Variants in CCDC7 observed in about 807,000 individuals in gnomAD.
CCDC7 encodes coiled-coil domain-containing protein 7.
CCDC7 carries 183 observed loss-of-function variants against 196.9 expected under a neutral mutation model. The ratio of observed to expected loss-of-function variants is 0.93; its 90% CI spans 0.82 to 1.05. CCDC7 has a LOEUF of 1.05. Among genes scored for constraint, CCDC7 ranks in the 50% least tolerant of loss-of-function variants. CCDC7 has a pLI of 0.00. For missense variants in CCDC7, 1,540 were observed against 1,482.2 expected (o/e 1.04, Z -0.64); for synonymous variants, 525 against 484.6 (o/e 1.08, Z -1.10).
At chr10:32,564,712 TTAA>T (rs2056466248) in intron 13 of CCDC7, among the ~76,000 whole-genome samples, 1 of 151,554 alleles carries the variant, frequency 6.6e-6, no homozygotes, top group Admixed American at 6.6e-5. Context: ...TAATGACGAG[TTAA>T]TGGGTGCAGC....
chr10:32,730,203 A>G (rs2083724528), intron 28 of CCDC7, among the ~76,000 whole-genome samples: 1 of 151,964 alleles, frequency 6.6e-6, no homozygotes, highest in Non-Finnish European at 1.5e-5. Context: ...ACATGTCCAT[A>G]TGTTCTCATT....
chr10:32,650,974 G>A (rs2140148885), intron 20 of CCDC7, among the ~76,000 whole-genome samples: 1 of 152,306 alleles, frequency 6.6e-6, no homozygotes, highest in East Asian at 1.9e-4. Context: ...CAGTCCCACA[G>A]AGAAGCACAA....
rs544005675 is a variant in CCDC7 at position 32,635,707 on chromosome 10, C to T, written c.2014+549C>T. Among the ~76,000 whole-genome samples, 3 of 151,914 alleles carry T rather than the reference C, an allele frequency of 2.0e-5. No individual in the cohort carries two copies. The East Asian group carries it at 5.8e-4, about 29-fold the overall frequency. On this transcript the variant is annotated intron_variant, in intron 20 of 41. Coordinates refer to ENST00000639629, the Ensembl canonical transcript of CCDC7. ...TTAATGTAAATCTACCAACTTTCTT[C>T]TGATTGGTATTTGCATGATACATTT...
At chr10:32,545,115 C>T (rs3006745) in intron 13 of CCDC7, among the ~76,000 whole-genome samples, 21,007 of 152,124 alleles carry the variant, frequency 0.14, 1,754 homozygotes, top group East Asian at 0.25. Flanking sequence ...AAGCTAAAGA[C>T]TTAATTGTCT....
intron 37 of CCDC7, 49 bp from the exon 39 acceptor site, chr10:32,847,784 A>G (rs1390581765): frequency 3.5e-6 from 4 of 1,157,974 alleles, no homozygotes; most frequent in Non-Finnish European, 3.8e-6. Flanking sequence ...CATGTGTAAC[A>G]TAAATGGTTA....
chr10:32,878,781 G>A (rs1001257547), downstream of CCDC7, among the ~76,000 whole-genome samples: 1 of 152,064 alleles, frequency 6.6e-6, no homozygotes, highest in African/African-American at 2.4e-5. Context: ...ATGACAACAG[G>A]GAGTATTTCT....
At chr10:32,583,629 A>G (rs760704050) in intron 17 of CCDC7, among the ~76,000 whole-genome samples, 2 of 152,112 alleles carry the variant, frequency 1.3e-5, no homozygotes, top group Admixed American at 6.5e-5. Context: ...TCTACAAAAA[A>G]AATTTTTATA....
At chr10:32,762,174 A>G (rs998332089) in intron 28 of CCDC7, among the ~76,000 whole-genome samples, 6 of 151,976 alleles carry the variant, frequency 3.9e-5, no homozygotes, top group Non-Finnish European at 8.8e-5. Flanking sequence ...CGCAACATTT[A>G]CAGTTTCTGT....
chr10:32,447,880 G>C (rs1341681724), upstream of CCDC7, among the ~76,000 whole-genome samples: 2 of 152,106 alleles, frequency 1.3e-5, no homozygotes, highest in African/African-American at 4.8e-5. Flanking sequence ...CAGCCTGGGC[G>C]ACAAGAGCGA....
chr10:32,488,069 G>C (rs1589102741), intron 8 of CCDC7, among the ~76,000 whole-genome samples: 1 of 152,354 alleles, frequency 6.6e-6, no homozygotes, highest in African/African-American at 2.4e-5. Context: ...TTTGGCAATG[G>C]CCTGCCCTCA....
At chr10:32,596,907 A>T (rs1395135289) in intron 18 of CCDC7, among the ~76,000 whole-genome samples, 1 of 152,144 alleles carries the variant, frequency 6.6e-6, no homozygotes, top group Non-Finnish European at 1.5e-5. Context: ...TGTTAGTCTG[A>T]TGGGCTTCCC....
intron 18 of CCDC7, among the ~76,000 whole-genome samples, chr10:32,619,212 T>G (rs1227237461): frequency 6.6e-6 from 1 of 152,032 alleles, no homozygotes; most frequent in Non-Finnish European, 1.5e-5. Flanking sequence ...AAGCATCAAG[T>G]AACATGAAAA....
chr10:32,863,104 C>G (rs1048676244), intron 41 of CCDC7, among the ~76,000 whole-genome samples: 5 of 151,780 alleles, frequency 3.3e-5, no homozygotes, highest in African/African-American at 1.2e-4. Context: ...TAACAAAATA[C>G]CAATCAAAAT....
chr10:32,681,313 A>G (rs2075818466), intron 21 of CCDC7, among the ~76,000 whole-genome samples: 1 of 152,086 alleles, frequency 6.6e-6, no homozygotes, highest in Non-Finnish European at 1.5e-5. Context: ...AGTCCAGAAT[A>G]TTGAGTCAGA....
intron 18 of CCDC7, among the ~76,000 whole-genome samples, chr10:32,625,852 C>G (rs2063970725): frequency 6.6e-6 from 1 of 152,038 alleles, no homozygotes; most frequent in South Asian, 2.1e-4. Flanking sequence ...GCTTATTTCA[C>G]TTAGCATAGT....
chr10:32,635,694 T>C (rs533242617), intron 20 of CCDC7, among the ~76,000 whole-genome samples: 1 of 151,660 alleles, frequency 6.6e-6, no homozygotes, highest in Non-Finnish European at 1.5e-5. Context: ...AATGTAAATC[T>C]ACCAACTTTC....
chr10:32,711,917 G>A (rs538463561), intron 25 of CCDC7, among the ~76,000 whole-genome samples, 187 bp downstream of exon 26: 9 of 151,344 alleles, frequency 5.9e-5, no homozygotes, highest in East Asian at 1.9e-4. Flanking sequence ...ATTTCTTGTC[G>A]TAATATTATT....
At chr10:32,665,118 A>T (rs1377262858) in intron 21 of CCDC7, among the ~76,000 whole-genome samples, 1 of 152,066 alleles carries the variant, frequency 6.6e-6, no homozygotes, top group South Asian at 2.1e-4. Flanking sequence ...TTCATTAGAG[A>T]AATGTCTATT....
At chr10:32,670,340 T>A (rs1390016487) in intron 21 of CCDC7, among the ~76,000 whole-genome samples, 1 of 152,132 alleles carries the variant, frequency 6.6e-6, no homozygotes, top group East Asian at 1.9e-4. Context: ...AAAACCATTC[T>A]AAGTTGCTTC....
Sources: allele counts gnomAD v4.1 joint callset (sites outside exome capture counted in the v4.1 genomes callset), GRCh38; gene constraint gnomAD v4.1.1; transcripts MANE v1.5; gene names NCBI Gene and HGNC (gene_info 2026-07-23, HGNC 2026-07-21).